Variants in MYO18B observed in about 807,000 individuals in gnomAD.
MYO18B encodes unconventional myosin-XVIIIb.
In MYO18B, 204 loss-of-function variants were observed where a neutral mutation model predicts 273.0. The ratio of observed to expected loss-of-function variants is 0.75; its 90% CI spans 0.67 to 0.84. The LOEUF is 0.84. MYO18B is among the 40% of genes least tolerant of loss of function. The pLI is 0.00. For missense variants in MYO18B, 3,212 were observed against 3,287.6 expected (o/e 0.98, Z 0.56); for synonymous variants, 1,330 against 1,305.7 (o/e 1.02, Z -0.40).
intron 42 of MYO18B, among the ~76,000 whole-genome samples, chr22:26,024,422 C>A (rs1158198539): frequency 6.6e-6 from 1 of 152,082 alleles, no homozygotes; most frequent in Non-Finnish European, 1.5e-5. Context: ...TTGGCCTATC[C>A]CAGGAGACCA....
chr22:25,781,650 A>C (rs2087162996), intron 9 of MYO18B, 84 bp from the exon 10 acceptor site: 1 of 723,724 alleles, frequency 1.4e-6, no homozygotes, highest in South Asian at 3.3e-5. Context: ...GGGGCACCCC[A>C]ATGGGGCTTC....
chr22:25,762,109 A>G lies in MYO18B; in HGVS notation c.39+978A>G, dbSNP rs133881. On this transcript the variant is annotated intron_variant, in intron 2 of 43. Transcript: ENST00000335473. Reference sequence around the variant, plus strand: ...ACAGTGCGAGACTCCGTCTCAAAAAAGAAAAAAAAAAAAAAGACTGTCTCT... The same window carrying G: ...ACAGTGCGAGACTCCGTCTCAAAAAGGAAAAAAAAAAAAAAGACTGTCTCT... Among the ~76,000 whole-genome samples the G allele has an allele frequency of 5.1e-3, 763 of 151,034 alleles. 13 individuals are homozygous for G. The highest frequency in any genetic ancestry group is 0.018 in the African/African-American group (726 of 40,606).
chr22:25,967,012 C>T (rs962848576), intron 39 of MYO18B, among the ~76,000 whole-genome samples: 2 of 152,158 alleles, frequency 1.3e-5, no homozygotes, highest in East Asian at 3.8e-4. Context: ...GGCTTTGTTT[C>T]TGCATTGAAA....
chr22:26,035,328 TC>T (rs1179484575), downstream of MYO18B, among the ~76,000 whole-genome samples: 10 of 152,060 alleles, frequency 6.6e-5, no homozygotes, highest in African/African-American at 2.4e-4. Context: ...TCTTTGGAAT[TC>T]CCCCAGATTG....
intron 29 of MYO18B, chr22:25,900,834 C>T (rs1043068202): frequency 1.3e-5 from 2 of 152,192 alleles, no homozygotes; most frequent in African/African-American, 4.8e-5. Context: ...CCTCACCTGT[C>T]CCAGGAATGG....
intron 30 of MYO18B, 62 bp downstream of exon 30, chr22:25,902,798 T>C (rs2091965044): frequency 1.3e-6 from 2 of 1,516,300 alleles, no homozygotes; most frequent in Admixed American, 4.1e-5. Flanking sequence ...GGAAACTGCA[T>C]CGTGCACCTG....
In MYO18B at chr22:25,988,503, A is replaced by G. The variant is rs535820363; in HGVS notation, c.6157-3860A>G. ...TGGTCCACATACTCTGGCCTAACTA[A>G]TGATGGCTTTCTGGTTCTCACCTCT... On this transcript the variant is annotated intron_variant, in intron 39 of 43. Coordinates refer to ENST00000335473, the MANE Select transcript of MYO18B (RefSeq NM_032608.7). 8.1e-4 allele frequency among the ~76,000 whole-genome samples: 123 copies of G among 152,152 alleles called. No individual in the cohort carries two copies. In the Middle Eastern group the frequency reaches 0.01, roughly 13 times the overall value.
intron 1 of MYO18B, among the ~76,000 whole-genome samples, chr22:25,753,194 C>T (rs1002471818): frequency 2.0e-5 from 3 of 151,544 alleles, no homozygotes; most frequent in Admixed American, 2.0e-4. Flanking sequence ...GCGCAAGATC[C>T]ACAAGGCGAC....
intron 17 of MYO18B, among the ~76,000 whole-genome samples, chr22:25,839,696 CT>C: frequency 6.6e-6 from 1 of 152,278 alleles, no homozygotes; most frequent in Non-Finnish European, 1.5e-5. Context: ...AAAGGGACCC[CT>C]GTCTCTATGT....
intron 42 of MYO18B, among the ~76,000 whole-genome samples, chr22:26,013,506 T>C (rs1489883729): frequency 6.6e-6 from 1 of 152,256 alleles, no homozygotes; most frequent in African/African-American, 2.4e-5. Flanking sequence ...TGAACAATCT[T>C]GTACACATCT....
In MYO18B at chr22:26,026,718, G is replaced by A. The variant is rs374384789; in HGVS notation, c.6744G>A (p.Ala2248=). Residue 2248 remains alanine (A), a synonymous_variant, in exon 43 of 44, where the codon GCG becomes GCA. Transcript: ENST00000335473. ...GGGAAAAGCTGCCCAGTCCTTCAGC[G>A]GCCCTCTCGGAGTTCGTGGAAGGGC... ...LSREKLPSPS[A]ALSEFVEGLR... 1.6e-5 allele frequency: 26 copies of A among 1,613,572 alleles called. No individual in the cohort carries two copies. The highest frequency in any genetic ancestry group is 3.3e-4 in the Middle Eastern group (2 of 6,084).
intron 25 of MYO18B, among the ~76,000 whole-genome samples, chr22:25,881,462 A>G (rs1271532174): frequency 1.3e-5 from 2 of 152,266 alleles, no homozygotes; most frequent in African/African-American, 4.8e-5. Context: ...AGCAACAATG[A>G]GTAGAACAGC....
intron 28 of MYO18B, chr22:25,897,132 G>A (rs544038612): frequency 7.9e-5 from 12 of 152,324 alleles, no homozygotes; most frequent in Non-Finnish European, 1.8e-4. Flanking sequence ...GACGCAGATT[G>A]GGTTGGGAGT....
At chr22:25,902,936 T>G in intron 30 of MYO18B, 200 bp downstream of exon 30, 1 of 572,004 alleles carries the variant, frequency 1.7e-6, no homozygotes, top group Non-Finnish European at 3.0e-6. Context: ...TGAGCAAGAT[T>G]GATGTCTTGA....
intron 22 of MYO18B, 150 bp downstream of exon 22, chr22:25,868,535 A>G (rs1435623671): frequency 2.0e-5 from 13 of 651,960 alleles, no homozygotes; most frequent in Non-Finnish European, 3.4e-5. Flanking sequence ...TGCCCTGCCT[A>G]TCTTACAAGG....
chr22:25,878,263 G>A lies in MYO18B; in HGVS notation c.4314+215G>A, dbSNP rs573029945. On this transcript the variant is annotated intron_variant, in intron 25 of 43. Coordinates refer to ENST00000335473, the MANE Select transcript of MYO18B (RefSeq NM_032608.7). Reference sequence around the variant, plus strand: ...GTATCTTCCTCGAGGCTGCACAACCGGCAAGTGTAACTGAGATTCAAACCC... The same window carrying A: ...GTATCTTCCTCGAGGCTGCACAACCAGCAAGTGTAACTGAGATTCAAACCC... Among the ~76,000 whole-genome samples the A allele has an allele frequency of 1.3e-4, 20 of 152,210 alleles. No individual in the cohort carries two copies. In the South Asian group the frequency reaches 3.5e-3, roughly 27 times the overall value.
At chr22:26,036,385 G>A in the MYO18B span, among the ~76,000 whole-genome samples, 1 of 152,192 alleles carries the variant, frequency 6.6e-6, no homozygotes, top group African/African-American at 2.4e-5. Context: ...GAGGAGATAG[G>A]CACTGTGCTT....
At chr22:25,872,403 C>G (rs910968147) in intron 22 of MYO18B, among the ~76,000 whole-genome samples, 17 of 152,334 alleles carry the variant, frequency 1.1e-4, no homozygotes, top group African/African-American at 3.4e-4. Flanking sequence ...GGAAATAAAC[C>G]TGAAGTTCTG....
At chr22:25,961,822 G>T (rs2092921488) in intron 39 of MYO18B, among the ~76,000 whole-genome samples, 1 of 152,170 alleles carries the variant, frequency 6.6e-6, no homozygotes, top group Non-Finnish European at 1.5e-5. Flanking sequence ...CTCATGAATG[G>T]CTTGGTGCCT....
Sources: gnomAD v4.1 joint callset for allele counts (sites outside exome capture counted in the v4.1 genomes callset) on GRCh38, gnomAD v4.1.1 for gene constraint, MANE v1.5 for transcripts, NCBI Gene and HGNC (gene_info 2026-07-23, HGNC 2026-07-21) for gene names.